Variants in ZFP1 observed in about 807,000 individuals in gnomAD.
ZFP1 encodes zinc finger protein 1 homolog.
ZFP1 carries 32 observed loss-of-function variants against 38.5 expected under a neutral mutation model. That is an observed-to-expected ratio of 0.83 (90% CI 0.63 to 1.12). The LOEUF is 1.12. Ranked by LOEUF, ZFP1 falls within the 50% of genes most tolerant of loss-of-function variation. The probability of loss-of-function intolerance (pLI) is 0.00; values close to 1 mark genes in which losing one functional copy is unlikely to be tolerated. For missense variants in ZFP1, 616 were observed against 480.8 expected (o/e 1.28, Z -2.63); for synonymous variants, 245 against 168.8 (o/e 1.45, Z -3.50).
At chr16:75,138,704 G>A in the ZFP1 span, among the ~76,000 whole-genome samples, 19 of 152,360 alleles carry the variant, frequency 1.2e-4, no homozygotes, top group Non-Finnish European at 2.1e-4. Flanking sequence ...GCTACATGAG[G>A]GAAGTGATGC....
At chr16:75,160,235 C>T (rs1237964353) in intron 2 of ZFP1, among the ~76,000 whole-genome samples, 2 of 152,152 alleles carry the variant, frequency 1.3e-5, no homozygotes, top group African/African-American at 2.4e-5. Context: ...TTATAAAGAA[C>T]AGAAGTTTAT....
chr16:75,148,255 T>C (rs962527378), upstream of ZFP1, among the ~76,000 whole-genome samples: 1 of 152,210 alleles, frequency 6.6e-6, no homozygotes, highest in African/African-American at 2.4e-5. Context: ...AAAAGCCAAG[T>C]TGTTGTATTT....
At chr16:75,138,651 T>C in the ZFP1 span, among the ~76,000 whole-genome samples, 2 of 152,164 alleles carry the variant, frequency 1.3e-5, no homozygotes, top group Admixed American at 6.5e-5. Flanking sequence ...GCTAGTATCC[T>C]GATTAGAAGA....
chr16:75,125,066 C>T, the ZFP1 span, among the ~76,000 whole-genome samples: 1 of 151,740 alleles, frequency 6.6e-6, no homozygotes, highest in Non-Finnish European at 1.5e-5. Flanking sequence ...TGAGACCAGC[C>T]TGGCCAACAT....
the ZFP1 span, among the ~76,000 whole-genome samples, chr16:75,138,663 G>A: frequency 6.6e-6 from 1 of 152,206 alleles, no homozygotes; most frequent in Non-Finnish European, 1.5e-5. Flanking sequence ...ATTAGAAGAG[G>A]TGAAGAGAAA....
chr16:75,148,035 T>C (rs1387315598), upstream of ZFP1, among the ~76,000 whole-genome samples: 2 of 152,102 alleles, frequency 1.3e-5, no homozygotes, highest in African/African-American at 4.8e-5. Context: ...AACAAATATA[T>C]ATACCTCAAC....
At chr16:75,166,932 C>T in intron 3 of ZFP1, 36 bp downstream of exon 3, 3 of 1,594,672 alleles carry the variant, frequency 1.9e-6, no homozygotes, top group Non-Finnish European at 2.6e-6. Context: ...CACCATGTGC[C>T]TAGAGGTATT....
At position 75,170,235 on chromosome 16, in the gene ZFP1, A is replaced by G. The variant is rs907004407; in HGVS notation, c.1125A>G (p.Thr375=). The change falls in exon 4 of 4, where the codon ACA becomes ACG. Residue 375 remains threonine (T), a synonymous_variant. Coordinates refer to ENST00000570010, the MANE Select transcript of ZFP1 (RefSeq NM_153688.4). ...STLRLHLRIH[T]GEKPYECSEC... ...TTAGATTACACTTGCGAATCCACAC[A>G]GGAGAGAAACCATATGAGTGTTCCG... is the stretch of plus-strand genomic sequence containing the variant. 5 of 1,614,076 alleles carry G rather than the reference A, an allele frequency of 3.1e-6. No individual in the cohort carries two copies. Among genetic ancestry groups the G allele is most frequent in the African/African-American group, 2.7e-5 (2 of 74,926 alleles).
chr16:75,138,507 T>C, the ZFP1 span, among the ~76,000 whole-genome samples: 2 of 152,204 alleles, frequency 1.3e-5, no homozygotes, highest in Non-Finnish European at 2.9e-5. Flanking sequence ...CTTTACTGGG[T>C]CGAATCACGT....
At chr16:75,165,161 A>G (rs374584241) in intron 2 of ZFP1, among the ~76,000 whole-genome samples, 49 of 152,142 alleles carry the variant, frequency 3.2e-4, no homozygotes, top group African/African-American at 1.2e-3. Flanking sequence ...CGTGTTGCCT[A>G]TGCCTGTTTT....
the ZFP1 span, among the ~76,000 whole-genome samples, chr16:75,123,455 G>GTATGTATGTATA: frequency 2.3e-5 from 2 of 87,288 alleles, no homozygotes; most frequent in Admixed American, 1.4e-4. Flanking sequence ...GTGTGTATAT[G>GTATGTATGTATA]TATATATATA....
chr16:75,119,780 C>G, the ZFP1 span, among the ~76,000 whole-genome samples: 62 of 152,124 alleles, frequency 4.1e-4, no homozygotes, highest in African/African-American at 1.4e-3. Context: ...TCAACTCTAT[C>G]TGACTTGATC....
In ZFP1 at chr16:75,166,797, G is replaced by A. The variant is rs909404057; in HGVS notation, c.43G>A (p.Val15Met). 1.2e-6 allele frequency: 2 copies of A among 1,614,142 alleles called. No individual in the cohort carries two copies. Among genetic ancestry groups the A allele is most frequent in the Non-Finnish European group, 1.7e-6 (2 of 1,180,018 alleles). ...ATCAGTTTCATTCACGGATGTGACT[G>A]TGGACTTTACCCAGGAGGAATGGGA... is the stretch of plus-strand genomic sequence containing the variant. ...QGSVSFTDVTVDFTQEEWEQL... is the reference protein window; with the variant it reads ...QGSVSFTDVTMDFTQEEWEQL... Residue 15 changes from valine to methionine, a missense_variant, in exon 3 of 4, where the codon GTG (valine) becomes ATG (methionine). Physicochemically the swap from Val to Met is conservative, Grantham distance 21 (BLOSUM62 1). Transcript: ENST00000570010.
chr16:75,141,226 G>A, the ZFP1 span, among the ~76,000 whole-genome samples: 3 of 128,136 alleles, frequency 2.3e-5, no homozygotes, highest in South Asian at 2.6e-4. Flanking sequence ...TTTTTGAGAC[G>A]GAGTCTCGCT....
chr16:75,132,539 C>T, the ZFP1 span: 1 of 152,018 alleles, frequency 6.6e-6, no homozygotes, highest in Non-Finnish European at 1.5e-5. Flanking sequence ...ACTTTCTGCT[C>T]TGATGGAACC....
At position 75,170,387 on chromosome 16, in the gene ZFP1, G is replaced by T; in HGVS notation, c.*53G>T. The stretch of plus-strand genomic sequence containing the variant: ...ACTCCTGCCAGAACTCTTCAAGCGG[G>T]TGAAAAACCTCATGACAGTATTGAG... On this transcript the variant is annotated 3_prime_UTR_variant, in exon 4 of 4. Coordinates refer to ENST00000570010, the MANE Select transcript of ZFP1 (RefSeq NM_153688.4). The T allele has an allele frequency of 1.3e-6, 2 of 1,502,748 alleles. No homozygotes were observed. Among genetic ancestry groups the T allele is most frequent in the East Asian group, 4.6e-5 (2 of 43,892 alleles). 93.1% of individuals were successfully genotyped at this position (1,502,748 alleles called of 1,614,324 possible). A position where few individuals can be genotyped will look rare whatever the true frequency, so the allele number is the denominator to read the frequency against.
intron 2 of ZFP1, among the ~76,000 whole-genome samples, chr16:75,164,892 A>G (rs11149804): frequency 0.78 from 119,016 of 151,832 alleles, 47,793 homozygotes; most frequent in Non-Finnish European, 0.87. Context: ...CGCAACGTCC[A>G]CTTCCTGGGT....
chr16:75,161,030 T>C (rs889455275), intron 2 of ZFP1, among the ~76,000 whole-genome samples: 2 of 152,068 alleles, frequency 1.3e-5, no homozygotes, highest in Non-Finnish European at 2.9e-5. Flanking sequence ...TCCTAGTTGC[T>C]TTACAGACCC....
the ZFP1 span, among the ~76,000 whole-genome samples, chr16:75,135,154 G>A: frequency 7.6e-6 from 1 of 132,052 alleles, no homozygotes; most frequent in Non-Finnish European, 1.5e-5. Flanking sequence ...AGCGTGCAAT[G>A]AGCCATGATC....
Sources: allele counts gnomAD v4.1 joint callset (sites outside exome capture counted in the v4.1 genomes callset), GRCh38; gene constraint gnomAD v4.1.1; transcripts MANE v1.5; gene names NCBI Gene and HGNC (gene_info 2026-07-23, HGNC 2026-07-21).